The following MCF2L variants were observed in gnomAD, a reference collection of about 807,000 sequenced individuals.
The protein encoded by MCF2L is MCF.2 cell line derived transforming sequence like.
MCF2L carries 97 observed loss-of-function variants against 153.4 expected under a neutral mutation model. That is an observed-to-expected ratio of 0.63 (90% CI 0.54 to 0.75). MCF2L has a LOEUF of 0.75. Among genes scored for constraint, MCF2L ranks in the 30% least tolerant of loss-of-function variants. MCF2L has a pLI of 0.00. For missense variants in MCF2L, 1,347 were observed against 1,495.2 expected (o/e 0.90, Z 1.64); for synonymous variants, 659 against 632.2 (o/e 1.04, Z -0.64).
intron 3 of MCF2L, among the ~76,000 whole-genome samples, chr13:113,029,587 C>T (rs1371163209): frequency 6.6e-5 from 10 of 152,196 alleles, no homozygotes; most frequent in Admixed American, 3.9e-4. Flanking sequence ...GAGACCTGCC[C>T]ACTGCGCCCT....
At chr13:112,982,930 C>T (rs549790061) in intron 1 of MCF2L, among the ~76,000 whole-genome samples, 6 of 152,182 alleles carry the variant, frequency 3.9e-5, no homozygotes, top group African/African-American at 1.4e-4. Flanking sequence ...GAAGAACCCT[C>T]AGGAGCTGGG....
intron 2 of MCF2L, among the ~76,000 whole-genome samples, chr13:112,931,301 G>GA (rs2081460576): frequency 6.6e-6 from 1 of 152,224 alleles, no homozygotes; most frequent in Non-Finnish European, 1.5e-5. Flanking sequence ...AGAGGCAAAA[G>GA]AAGCCACACA....
intron 1 of MCF2L, among the ~76,000 whole-genome samples, chr13:112,987,705 C>T (rs1408278982): frequency 2.0e-5 from 3 of 152,222 alleles, no homozygotes; most frequent in Admixed American, 1.3e-4. Context: ...TGGGCTCCCT[C>T]GCCCCCATCC....
chr13:112,974,590 G>A (rs925772452), intron 1 of MCF2L, among the ~76,000 whole-genome samples: 1 of 152,208 alleles, frequency 6.6e-6, no homozygotes, highest in Admixed American at 6.5e-5. Context: ...ACCAGAGGGT[G>A]CACTCCAGAA....
chr13:113,082,434 C>T lies in MCF2L; in HGVS notation c.1883C>T (p.Ala628Val), dbSNP rs867885814. 6.2e-7 allele frequency: 1 copy of T among 1,611,376 alleles called. No homozygotes were observed. Among genetic ancestry groups the T allele is most frequent in the South Asian group, 1.1e-5 (1 of 91,014 alleles). Reference sequence around the variant, plus strand: ...TCTGCGCTCTCCCTGCAGGGCTACGCCGCGGAGATGGATAACCCACTGATG... The same window carrying T: ...TCTGCGCTCTCCCTGCAGGGCTACGTCGCGGAGATGGATAACCCACTGATG... ...EELLCVLEGY[A>V]AEMDNPLMAH... The change falls in exon 17 of 30, where the codon GCC becomes GTC. Residue 628 changes from alanine (A) to valine (V), a missense_variant. Around this residue, in one of 3 missense-constraint regions of MCF2L, gnomAD observed 820 missense variants for 921.2 expected, o/e 0.89. Coordinates refer to ENST00000535094, the MANE Select transcript of MCF2L (RefSeq NM_001112732.3).
chr13:112,914,037 C>T (rs912491088), intron 2 of MCF2L, among the ~76,000 whole-genome samples: 3 of 152,210 alleles, frequency 2.0e-5, no homozygotes, highest in Middle Eastern at 3.2e-3. Context: ...CCTTCTCCCC[C>T]TGTGAGCCAG....
chr13:112,969,555 G>A lies in MCF2L; in HGVS notation c.79+97G>A. ...CGTCTGATTTTTGTAAGCCGCCCTC[G>A]TGTTCCTTTCTAGCCGTGGTAGCTG... is the stretch of plus-strand genomic sequence containing the variant. On this transcript the variant is annotated intron_variant, in intron 1 of 29. Coordinates refer to ENST00000535094, the MANE Select transcript of MCF2L (RefSeq NM_001112732.3). This position sits in a 1 kb window ranked among gnomAD's most constrained non-coding sequence, Gnocchi z 4.8. The A allele has an allele frequency of 1.3e-6, 2 of 1,522,618 alleles. No individual in the cohort carries two copies. The highest frequency in any genetic ancestry group is 2.5e-5 in the South Asian group (2 of 81,432). The allele number at this position is 1,522,618 out of a possible 1,614,324, so 94.3% of individuals were successfully genotyped here. A position where few individuals can be genotyped will look rare whatever the true frequency, so the allele number is the denominator to read the frequency against.
chr13:113,060,081 TCTC>T (rs1463322762), intron 4 of MCF2L, among the ~76,000 whole-genome samples: 10 of 152,078 alleles, frequency 6.6e-5, no homozygotes, highest in Non-Finnish European at 1.3e-4. Flanking sequence ...GCTCGAGGCC[TCTC>T]CTCAGCTTCT....
At chr13:112,965,308 C>T (rs899324662), upstream of MCF2L, 2 of 152,290 alleles carry the variant, frequency 1.3e-5, no homozygotes, top group African/African-American at 2.4e-5. Context: ...CCTCCCGTCA[C>T]CACATGGAGG....
intron 2 of MCF2L, among the ~76,000 whole-genome samples, chr13:112,959,576 G>A (rs903729471): frequency 1.3e-5 from 2 of 152,180 alleles, no homozygotes; most frequent in Non-Finnish European, 2.9e-5. Flanking sequence ...ACTGTCCATG[G>A]CTGTCTAGGT....
At chr13:113,044,895 G>T (rs143037764) in intron 3 of MCF2L, 6 of 1,612,774 alleles carry the variant, frequency 3.7e-6, no homozygotes, top group South Asian at 1.1e-5. Flanking sequence ...TGATGTATGC[G>T]CCATAAGACT....
chr13:113,078,452 G>C lies in MCF2L; in HGVS notation c.1734+16G>C. On this transcript the variant is annotated intron_variant, in intron 14 of 29. Transcript: ENST00000535094. ...GAGGGCCAAGGTGAGGCTTGCCCAA[G>C]ACAACCCCGCCATCCACACCCCCCT... is the stretch of plus-strand genomic sequence containing the variant. 2 of 1,604,962 alleles carry C rather than the reference G, an allele frequency of 1.2e-6. No individual in the cohort carries two copies. The highest frequency in any genetic ancestry group is 1.7e-6 in the Non-Finnish European group (2 of 1,175,420).
intron 2 of MCF2L, among the ~76,000 whole-genome samples, chr13:112,926,451 TA>T (rs1365905732): frequency 7.1e-4 from 107 of 151,666 alleles, no homozygotes; most frequent in African/African-American, 2.1e-3. Flanking sequence ...CACAGCGGAG[TA>T]CTGTACGGCC....
intron 2 of MCF2L, among the ~76,000 whole-genome samples, chr13:112,913,861 C>T (rs2081261501): frequency 6.6e-6 from 1 of 152,310 alleles, no homozygotes; most frequent in African/African-American, 2.4e-5. Context: ...TTTTAAACAG[C>T]TCTGTCTTCT....
intron 1 of MCF2L, among the ~76,000 whole-genome samples, chr13:112,897,523 C>T (rs1375244213): frequency 2.6e-5 from 4 of 152,218 alleles, no homozygotes; most frequent in East Asian, 1.9e-4. Flanking sequence ...AGCTGTGGGA[C>T]GTCCCGGATG....
chr13:113,014,706 T>G (rs1271643698), intron 1 of MCF2L, 57 bp from the exon 2 acceptor site: 35 of 1,485,174 alleles, frequency 2.4e-5, no homozygotes, highest in Middle Eastern at 3.6e-4. Context: ...GGGTGGGCGC[T>G]TGCAGGGTGA....
intron 1 of MCF2L, among the ~76,000 whole-genome samples, chr13:113,004,203 G>A (rs1327448434): frequency 3.3e-5 from 5 of 152,158 alleles, no homozygotes; most frequent in Admixed American, 2.6e-4. Context: ...CGGGGAGCTG[G>A]TCCCTACTAC....
intron 27 of MCF2L, chr13:113,094,910 C>G (rs1460466940): frequency 7.7e-7 from 1 of 1,294,560 alleles, no homozygotes; most frequent in Non-Finnish European, 1.0e-6. Flanking sequence ...GGATGCAGCC[C>G]CAGCTCCTCC....
At chr13:112,903,381 G>A (rs1323235117) in intron 2 of MCF2L, among the ~76,000 whole-genome samples, 3 of 152,178 alleles carry the variant, frequency 2.0e-5, no homozygotes, top group Non-Finnish European at 2.9e-5. Flanking sequence ...CCCATCCCAC[G>A]GCTGCTGCCC....
Sources: allele counts gnomAD v4.1 joint callset (sites outside exome capture counted in the v4.1 genomes callset), GRCh38; gene constraint gnomAD v4.1.1; regional missense constraint gnomAD v4.1.1; non-coding constraint Gnocchi (gnomAD v3.1); transcripts MANE v1.5; gene names NCBI Gene and HGNC (gene_info 2026-07-23, HGNC 2026-07-21).